Variants in ACP3 observed in about 807,000 individuals in gnomAD.
The protein encoded by ACP3 is acid phosphatase 3, also known as prostatic acid phosphatase.
Under a neutral mutation model 45.6 loss-of-function variants are expected in ACP3, and 38 were observed. That is an observed-to-expected ratio of 0.83 (90% CI 0.64 to 1.09). ACP3 has a LOEUF of 1.09. Ranked by LOEUF, ACP3 falls within the 50% of genes least tolerant of loss-of-function variation. The pLI is 0.00. For synonymous variants in ACP3, 162 were observed against 164.7 expected (o/e 0.98, Z 0.13); for missense variants, 466 against 463.2 (o/e 1.01, Z -0.05).
intron 5 of ACP3, among the ~76,000 whole-genome samples, chr3:132,338,864 A>G (rs904894199): frequency 1.3e-5 from 2 of 151,930 alleles, no homozygotes; most frequent in African/African-American, 4.8e-5. Context: ...TTGTTTTTTG[A>G]TATTGTATTT....
intron 7 of ACP3, among the ~76,000 whole-genome samples, chr3:132,349,677 A>G (rs144058979): frequency 5.9e-4 from 90 of 152,170 alleles, no homozygotes; most frequent in African/African-American, 2.0e-3. Context: ...GTCACTTAAT[A>G]TCTTTGGACT....
chr3:132,342,595 A>G lies in ACP3; in HGVS notation c.599A>G (p.Gln200Arg). The G allele has an allele frequency of 6.2e-7, 1 of 1,613,150 alleles. No homozygotes were observed. The highest frequency in any genetic ancestry group is 8.5e-7 in the Non-Finnish European group (1 of 1,179,694). The change falls in exon 6 of 10, where the codon CAG becomes CGG. Residue 200 changes from glutamine to arginine, a missense_variant. Coordinates refer to ENST00000336375, the MANE Select transcript of ACP3 (RefSeq NM_001099.5). ...GGAAAACTTTCAGGATTACATGGCC[A>G]GGACCTTTTTGGAATTTGGAGTAAA... ...TLGKLSGLHG[Q>R]DLFGIWSKVY...
intron 4 of ACP3, 103 bp downstream of exon 4, chr3:132,332,447 G>A (rs1937417694): frequency 3.9e-6 from 5 of 1,284,870 alleles, no homozygotes; most frequent in Non-Finnish European, 5.4e-6. Context: ...TCCTTGAGCT[G>A]TGCAGTTTTA....
chr3:132,338,914 A>C (rs562595833), intron 5 of ACP3, among the ~76,000 whole-genome samples: 1 of 152,178 alleles, frequency 6.6e-6, no homozygotes, highest in African/African-American at 2.4e-5. Context: ...GTACAAATGC[A>C]GGTTTGTTAT....
chr3:132,327,513 CG>C (rs1937319597), intron 1 of ACP3, among the ~76,000 whole-genome samples: 1 of 126,126 alleles, frequency 7.9e-6, no homozygotes, highest in Non-Finnish European at 1.6e-5. Flanking sequence ...GACTCAGTCT[CG>C]AAAAAAAAAA....
At chr3:132,356,077 C>T (rs1365204454) in intron 9 of ACP3, among the ~76,000 whole-genome samples, 1 of 152,096 alleles carries the variant, frequency 6.6e-6, no homozygotes, top group Non-Finnish European at 1.5e-5. Flanking sequence ...TGAGATAAAG[C>T]ATTGAGAGAG....
At chr3:132,367,624 A>T (rs547687788) in intron 10 of ACP3, 1 of 1,138,524 alleles carries the variant, frequency 8.8e-7, no homozygotes, top group African/African-American at 1.5e-5. Flanking sequence ...CAATTAAGGC[A>T]GAAAGCAACA....
chr3:132,343,828 T>C (rs1937577479), intron 6 of ACP3, among the ~76,000 whole-genome samples: 1 of 152,168 alleles, frequency 6.6e-6, no homozygotes, highest in African/African-American at 2.4e-5. Flanking sequence ...GGTGCAGGCT[T>C]TCCTCAAGAG....
At chr3:132,318,434 G>T (rs983015643) in intron 1 of ACP3, among the ~76,000 whole-genome samples, 3 of 151,172 alleles carry the variant, frequency 2.0e-5, no homozygotes, top group African/African-American at 7.3e-5. Context: ...TTTCTGTCAA[G>T]AATACTCAAA....
chr3:132,349,528 T>G (rs1225216169), intron 7 of ACP3, among the ~76,000 whole-genome samples: 2 of 152,192 alleles, frequency 1.3e-5, no homozygotes, highest in Non-Finnish European at 2.9e-5. Context: ...GAACATGGGC[T>G]AAGAATTATC....
At position 132,358,614 on chromosome 3, in the gene ACP3, C is replaced by T; in HGVS notation, c.*1736C>T. Reference sequence around the variant, plus strand: ...TCCTGGTTGGTCACAGAATGACTGACAAAGACATCGATTGATATGCTTCTT... The same window carrying T: ...TCCTGGTTGGTCACAGAATGACTGATAAAGACATCGATTGATATGCTTCTT... On this transcript the variant is annotated 3_prime_UTR_variant, in exon 10 of 10. Transcript: ENST00000336375. 9.4e-7 allele frequency: 1 copy of T among 1,067,494 alleles called. No homozygotes were observed. Among genetic ancestry groups the T allele is most frequent in the Non-Finnish European group, 1.1e-6 (1 of 870,326 alleles). 66.1% of individuals were successfully genotyped at this position (1,067,494 alleles called of 1,614,324 possible). A position where few individuals can be genotyped will look rare whatever the true frequency, so the allele number is the denominator to read the frequency against.
Position 132,349,972 on chromosome 3 carries a change from A to C in ACP3, c.834A>C (p.Pro278=). The part of the protein sequence containing the change: ...LNHMKRATQI[P]SYKKLIMYSA... ...ACATGAAGAGAGCAACTCAGATACC[A>C]AGCTACAAAAAACTCATCATGTATT... The change falls in exon 8 of 10, where the codon CCA becomes CCC. Residue 278 remains proline, a synonymous_variant. Transcript: ENST00000336375. 1 of 1,612,266 alleles carries C rather than the reference A, an allele frequency of 6.2e-7. No individual in the cohort carries two copies. The highest frequency in any genetic ancestry group is 2.2e-5 in the East Asian group (1 of 44,866).
downstream of ACP3, among the ~76,000 whole-genome samples, chr3:132,363,208 C>A (rs528004058): frequency 7.2e-5 from 11 of 152,168 alleles, no homozygotes; most frequent in Non-Finnish European, 1.3e-4. Flanking sequence ...ATACCCAGGC[C>A]TCTGTCTTCT....
chr3:132,364,597 A>G (rs1237744284), intron 10 of ACP3, among the ~76,000 whole-genome samples: 2 of 152,216 alleles, frequency 1.3e-5, no homozygotes, highest in African/African-American at 4.8e-5. Context: ...CTTTGTTTCA[A>G]TAGCATTTCT....
chr3:132,337,410 GT>G (rs1334811922), intron 4 of ACP3, 45 bp from the exon 5 acceptor site: 3 of 1,306,780 alleles, frequency 2.3e-6, no homozygotes, highest in Non-Finnish European at 3.3e-6. Flanking sequence ...ATTTAGCAAA[GT>G]TTTTCTGACT....
intron 1 of ACP3, among the ~76,000 whole-genome samples, chr3:132,324,079 G>T (rs1332736365): frequency 6.6e-6 from 1 of 152,090 alleles, no homozygotes; most frequent in Non-Finnish European, 1.5e-5. Context: ...TTAGCCAGGC[G>T]TGGTGGCAGG....
chr3:132,334,036 A>G (rs973337149), intron 4 of ACP3, among the ~76,000 whole-genome samples: 1 of 152,192 alleles, frequency 6.6e-6, no homozygotes, highest in Non-Finnish European at 1.5e-5. Flanking sequence ...GCACCGTTGC[A>G]CTCCAGCTTG....
At position 132,356,832 on chromosome 3, in the gene ACP3, G is replaced by A. The variant is rs151032097; in HGVS notation, c.1115G>A (p.Cys372Tyr). The change falls in exon 10 of 10, where the codon TGT (cysteine) becomes TAT (tyrosine). Residue 372 changes from cysteine to tyrosine, a missense_variant. Coordinates refer to ENST00000336375, the MANE Select transcript of ACP3 (RefSeq NM_001099.5). ...ATCCCTCAAGACTGGTCCACGGAGT[G>A]TATGACCACAAACAGCCATCAAGGT... Reference protein sequence around the residue: ...PVIPQDWSTECMTTNSHQGTE... With the variant: ...PVIPQDWSTEYMTTNSHQGTE... 2.8e-5 allele frequency: 45 copies of A among 1,614,032 alleles called. No individual in the cohort carries two copies. Among genetic ancestry groups the A allele is most frequent in the Admixed American group, 1.2e-4 (7 of 60,000 alleles).
intron 4 of ACP3, 38 bp from the exon 5 acceptor site, chr3:132,337,418 G>A: frequency 7.3e-7 from 1 of 1,361,112 alleles, no homozygotes; most frequent in Non-Finnish European, 1.0e-6. Context: ...AAGTTTTTCT[G>A]ACTCATAACA....
Sources: gnomAD v4.1 joint callset for allele counts (sites outside exome capture counted in the v4.1 genomes callset) on GRCh38, gnomAD v4.1.1 for gene constraint, MANE v1.5 for transcripts, NCBI Gene and HGNC (gene_info 2026-07-23, HGNC 2026-07-21) for gene names.